The following CRLF3 variants were observed in gnomAD, a reference collection of about 807,000 sequenced individuals.
The protein encoded by CRLF3 is cytokine receptor like factor 3, also known as cytokine receptor-like factor 3.
CRLF3 carries 33 observed loss-of-function variants against 55.0 expected under a neutral mutation model. The observed-to-expected ratio is 0.60, with a 90% CI of 0.46 to 0.80. The LOEUF (loss-of-function observed/expected upper bound fraction) is 0.80, where lower values mean the gene tolerates loss of function less well. Ranked by LOEUF, CRLF3 falls within the 30% of genes least tolerant of loss-of-function variation. The probability of loss-of-function intolerance (pLI) is 0.00; values close to 1 mark genes in which losing one functional copy is unlikely to be tolerated. For missense variants in CRLF3, 494 were observed against 538.4 expected, an observed-to-expected ratio of 0.92 and a Z score of 0.82; for synonymous variants, 238 against 196.8, an observed-to-expected ratio of 1.21 and a Z score of -1.75.
chr17:30,809,175 G>GAA (rs1904532102), intron 1 of CRLF3, among the ~76,000 whole-genome samples: 1 of 151,988 alleles, frequency 6.6e-6, no homozygotes, highest in Admixed American at 6.6e-5. Context: ...CAGAACCTCA[G>GAA]AAAAAAGGAA....
intron 1 of CRLF3, among the ~76,000 whole-genome samples, chr17:30,813,618 A>G (rs62070639): frequency 1.3e-5 from 2 of 151,822 alleles, no homozygotes; most frequent in African/African-American, 4.8e-5. Flanking sequence ...TTTTTTTTTA[A>G]TAACTATAAG....
intron 1 of CRLF3, among the ~76,000 whole-genome samples, chr17:30,823,218 CG>C (rs1905047312): frequency 6.6e-6 from 1 of 151,664 alleles, no homozygotes; most frequent in Non-Finnish European, 1.5e-5. Context: ...AAAAATTAGC[CG>C]GGTGTGGTGG....
At chr17:30,817,411 CT>C (rs1567669090) in intron 1 of CRLF3, among the ~76,000 whole-genome samples, 2 of 150,394 alleles carry the variant, frequency 1.3e-5, no homozygotes, top group Non-Finnish European at 3.0e-5. Flanking sequence ...GCACTCCAGT[CT>C]GGGTGACAAA....
In CRLF3 at chr17:30,796,116, AACCCATAATGTGG is replaced by A. The variant is rs763128986; in HGVS notation, c.603+31_603+43del. 7.8e-6 allele frequency: 11 copies of A among 1,409,026 alleles called. No individual in the cohort carries two copies. In the South Asian group the frequency reaches 1.8e-4, roughly 23 times the overall value. The allele number at this position is 1,409,026 out of a possible 1,614,324, so 87.3% of individuals were successfully genotyped here. ...AAATCTGAAAGGCCTCCAAATCGCA[AACCCATAATGTGG>A]AAGTCATTTCTAGAATTCTGAATTA... On this transcript the variant is annotated intron_variant, in intron 4 of 7. Transcript: ENST00000324238.
intron 2 of CRLF3, 37 bp downstream of exon 2, chr17:30,803,864 C>A: frequency 1.4e-6 from 2 of 1,447,660 alleles, no homozygotes; most frequent in Non-Finnish European, 1.9e-6. Context: ...TGAAAATGGA[C>A]GAATGCACTA....
At chr17:30,804,374 C>A (rs1904327051) in intron 1 of CRLF3, among the ~76,000 whole-genome samples, 1 of 152,158 alleles carries the variant, frequency 6.6e-6, no homozygotes. Context: ...TCTCCTAACA[C>A]ATTCCAAGTA....
At position 30,796,251 on chromosome 17, in the gene CRLF3, A is replaced by T. The variant is rs1416873739; in HGVS notation, c.512T>A (p.Ile171Asn). The change falls in exon 4 of 8, where the codon ATT (isoleucine) becomes AAT (asparagine). Residue 171 changes from isoleucine to asparagine, a missense_variant. Coordinates refer to ENST00000324238, the MANE Select transcript of CRLF3 (RefSeq NM_015986.4). ...DSILNIVKDH[I>N]FKHGTVASRP... The stretch of plus-strand genomic sequence containing the variant: ...AGATGCTACTGTTCCATGCTTAAAA[A>T]TGTGGTCTTTCACTATGTTAAGAAT... 1.2e-6 allele frequency: 2 copies of T among 1,614,080 alleles called. No homozygotes were observed. Among genetic ancestry groups the T allele is most frequent in the South Asian group, 1.1e-5 (1 of 91,082 alleles).
At position 30,795,587 on chromosome 17, in the gene CRLF3, G is replaced by A. The variant is rs192124664; in HGVS notation, c.603+573C>T. Among the ~76,000 whole-genome samples the A allele has an allele frequency of 5.1e-4, 78 of 152,018 alleles. 1 individual carries two copies. The highest frequency in any genetic ancestry group is 1.7e-3 in the African/African-American group (71 of 41,472). ...GGAGGCCAAGGTGGGCAGATCACCT[G>A]AGGTCGGAGGTTGCATCGCTGCACT... On this transcript the variant is annotated intron_variant, in intron 4 of 7. Coordinates refer to ENST00000324238, the MANE Select transcript of CRLF3 (RefSeq NM_015986.4).
Position 30,783,191 on chromosome 17 carries a change from A to T in CRLF3, c.*996T>A, listed in dbSNP as rs1971540574. 1 of 152,242 alleles carries T rather than the reference A, an allele frequency of 6.6e-6. No individual in the cohort carries two copies. The highest frequency in any genetic ancestry group is 6.5e-5 in the Admixed American group (1 of 15,276). 9.4% of individuals were successfully genotyped at this position (152,242 alleles called of 1,614,324 possible). On this transcript the variant is annotated 3_prime_UTR_variant, in exon 8 of 8. Transcript: ENST00000324238. ...ATTACATACATATGAAATGGCTAAC[A>T]CTGCTGTGCATACTACTGCCATAAC...
At chr17:30,824,471 C>CA in intron 1 of CRLF3, 52 bp downstream of exon 1, 1 of 1,521,442 alleles carries the variant, frequency 6.6e-7, no homozygotes, top group Non-Finnish European at 8.8e-7. Context: ...CTTCGCCCGG[C>CA]ATCCGCGCCA....
intron 1 of CRLF3, among the ~76,000 whole-genome samples, chr17:30,816,568 C>A (rs1904813531): frequency 6.7e-6 from 1 of 148,388 alleles, no homozygotes; most frequent in African/African-American, 2.5e-5. Flanking sequence ...TGGCTTACTG[C>A]ACCCTCAGCC....
intron 6 of CRLF3, among the ~76,000 whole-genome samples, chr17:30,791,906 G>C (rs543534454): frequency 4.6e-5 from 7 of 151,910 alleles, no homozygotes; most frequent in Non-Finnish European, 8.8e-5. Context: ...GAGTGCAATG[G>C]CATGATCTCA....
chr17:30,805,711 C>T (rs1226078312), intron 1 of CRLF3, among the ~76,000 whole-genome samples: 2 of 129,614 alleles, frequency 1.5e-5, no homozygotes, highest in South Asian at 2.7e-4. Flanking sequence ...GAGACTCCGT[C>T]TCAAAAAAAA....
intron 1 of CRLF3, among the ~76,000 whole-genome samples, chr17:30,805,950 G>A (rs1384727962): frequency 2.0e-5 from 3 of 152,102 alleles, no homozygotes; most frequent in Non-Finnish European, 4.4e-5. Flanking sequence ...CTGAGCCCAG[G>A]GGGTCGAGAC....
intron 1 of CRLF3, among the ~76,000 whole-genome samples, chr17:30,810,235 A>G (rs1191573551): frequency 4.6e-5 from 7 of 152,238 alleles, no homozygotes; most frequent in African/African-American, 1.7e-4. Flanking sequence ...ATCTGCCACT[A>G]AAACCTTTAA....
chr17:30,783,171 A>T lies in CRLF3; in HGVS notation c.*1016T>A, dbSNP rs1355327131. Reference sequence around the variant, plus strand: ...GATTGGATACACACGTGCATATTACATACATATGAAATGGCTAACACTGCT... The same window carrying T: ...GATTGGATACACACGTGCATATTACTTACATATGAAATGGCTAACACTGCT... On this transcript the variant is annotated 3_prime_UTR_variant, in exon 8 of 8. Transcript: ENST00000324238. The T allele has an allele frequency of 1.3e-5, 2 of 152,206 alleles. No homozygotes were observed. Among genetic ancestry groups the T allele is most frequent in the Non-Finnish European group, 2.9e-5 (2 of 68,048 alleles). The allele number at this position is 152,206 out of a possible 1,614,324, so 9.4% of individuals were successfully genotyped here.
chr17:30,808,653 C>T (rs780080375), intron 1 of CRLF3, among the ~76,000 whole-genome samples: 4 of 146,846 alleles, frequency 2.7e-5, no homozygotes, highest in Middle Eastern at 4.2e-3. Flanking sequence ...AGTGCAGTGG[C>T]GCCAACTCGG....
At chr17:30,823,476 CTG>C (rs1461939848) in intron 1 of CRLF3, among the ~76,000 whole-genome samples, 3 of 151,468 alleles carry the variant, frequency 2.0e-5, no homozygotes, top group Non-Finnish European at 4.4e-5. Context: ...TCCAAAGACA[CTG>C]TTAGCACAGC....
At chr17:30,816,696 G>T (rs2142273376) in intron 1 of CRLF3, among the ~76,000 whole-genome samples, 1 of 151,782 alleles carries the variant, frequency 6.6e-6, no homozygotes, top group African/African-American at 2.4e-5. Context: ...TCCCTATATT[G>T]CCCAGACTGG....
Sources: gnomAD v4.1 joint callset for allele counts (sites outside exome capture counted in the v4.1 genomes callset) on GRCh38, gnomAD v4.1.1 for gene constraint, MANE v1.5 for transcripts, NCBI Gene and HGNC (gene_info 2026-07-23, HGNC 2026-07-21) for gene names.